The following RABGAP1L variants were observed in gnomAD, a reference collection of about 807,000 sequenced individuals.
RABGAP1L encodes rab GTPase-activating protein 1-like.
A neutral mutation model predicts 137.7 loss-of-function variants in RABGAP1L; 63 were observed. The ratio of observed to expected loss-of-function variants is 0.46; its 90% CI spans 0.37 to 0.56. The LOEUF is 0.56. Ranked by LOEUF, RABGAP1L falls within the 20% of genes least tolerant of loss-of-function variation. The pLI is 0.00. For missense variants in RABGAP1L, 1,095 were observed against 1,244.0 expected (o/e 0.88, Z 1.80); for synonymous variants, 431 against 433.7 (o/e 0.99, Z 0.08).
At chr1:174,357,861 G>A (rs1683773553) in intron 11 of RABGAP1L, among the ~76,000 whole-genome samples, 1 of 152,210 alleles carries the variant, frequency 6.6e-6, no homozygotes, top group African/African-American at 2.4e-5. Flanking sequence ...AATGGCTTAT[G>A]ATAGCTAACA....
At chr1:174,615,342 C>T (rs964118865) in intron 13 of RABGAP1L, among the ~76,000 whole-genome samples, 10 of 152,218 alleles carry the variant, frequency 6.6e-5, no homozygotes, top group Non-Finnish European at 4.4e-5. Flanking sequence ...GATGTCCACT[C>T]CAGACCCTAT....
chr1:174,375,613 A>G (rs1036435675), intron 12 of RABGAP1L, among the ~76,000 whole-genome samples: 3 of 152,186 alleles, frequency 2.0e-5, no homozygotes. Context: ...GCTTAGGTGA[A>G]ATCGACAAAC....
At chr1:174,434,074 T>C (rs1342773824) in intron 13 of RABGAP1L, among the ~76,000 whole-genome samples, 1 of 149,954 alleles carries the variant, frequency 6.7e-6, no homozygotes, top group Non-Finnish European at 1.5e-5. Context: ...TCTTGACTGG[T>C]ACATGTGTGC....
At chr1:174,467,304 T>C (rs74126810) in intron 13 of RABGAP1L, among the ~76,000 whole-genome samples, 1,867 of 152,224 alleles carry the variant, frequency 0.012, 48 homozygotes, top group African/African-American at 0.043. Context: ...TCTGTAGTCA[T>C]TTATCATCTT....
chr1:174,481,726 T>C (rs1052100415), intron 13 of RABGAP1L, among the ~76,000 whole-genome samples: 1 of 152,130 alleles, frequency 6.6e-6, no homozygotes, highest in African/African-American at 2.4e-5. Flanking sequence ...TTTTTCTTAA[T>C]ATACTGTGGT....
At chr1:174,589,630 T>C (rs1034960823) in intron 13 of RABGAP1L, among the ~76,000 whole-genome samples, 1 of 152,186 alleles carries the variant, frequency 6.6e-6, no homozygotes, top group South Asian at 2.1e-4. Flanking sequence ...TTACTTGATT[T>C]TTATATATGT....
chr1:174,661,616 A>G (rs1210930301), intron 14 of RABGAP1L, among the ~76,000 whole-genome samples: 1 of 152,222 alleles, frequency 6.6e-6, no homozygotes, highest in Non-Finnish European at 1.5e-5. Flanking sequence ...TTAATTAAAA[A>G]TATTTTGTTA....
At chr1:174,908,215 T>A (rs1272805590) in intron 19 of RABGAP1L, among the ~76,000 whole-genome samples, 1 of 152,186 alleles carries the variant, frequency 6.6e-6, no homozygotes, top group Admixed American at 6.6e-5. Context: ...TAGGGGATTT[T>A]AAGCCCCACT....
chr1:174,959,098 T>C (rs902923801), intron 20 of RABGAP1L, among the ~76,000 whole-genome samples: 3 of 152,236 alleles, frequency 2.0e-5, no homozygotes, highest in African/African-American at 7.2e-5. Context: ...TCCCCTTGCT[T>C]ATAGAAGTGG....
intron 13 of RABGAP1L, among the ~76,000 whole-genome samples, chr1:174,468,703 A>G (rs1571942927): frequency 6.6e-6 from 1 of 151,256 alleles, no homozygotes; most frequent in East Asian, 2.0e-4. Flanking sequence ...CACTACATCT[A>G]TATCTACCTC....
At chr1:174,622,612 C>A (rs911277106) in intron 13 of RABGAP1L, among the ~76,000 whole-genome samples, 3 of 152,090 alleles carry the variant, frequency 2.0e-5, no homozygotes, top group Non-Finnish European at 2.9e-5. Flanking sequence ...GGACAGAAAA[C>A]CAAACACCGC....
chr1:174,722,801 A>G (rs747975373), intron 17 of RABGAP1L, among the ~76,000 whole-genome samples: 26 of 152,128 alleles, frequency 1.7e-4, no homozygotes, highest in African/African-American at 3.1e-4. Context: ...AGAATCTTCT[A>G]TGCCTTAGCC....
chr1:174,392,592 T>TG (rs1470731776), intron 12 of RABGAP1L, among the ~76,000 whole-genome samples: 1 of 152,206 alleles, frequency 6.6e-6, no homozygotes, highest in African/African-American at 2.4e-5. Flanking sequence ...AAATTATTAA[T>TG]GGGATGAGTT....
At chr1:174,661,574 C>T (rs1429608012) in intron 14 of RABGAP1L, among the ~76,000 whole-genome samples, 1 of 152,064 alleles carries the variant, frequency 6.6e-6, no homozygotes, top group Non-Finnish European at 1.5e-5. Context: ...ACTAATAATT[C>T]ATTATTATAA....
At chr1:174,971,660 T>C (rs937929470) in intron 21 of RABGAP1L, among the ~76,000 whole-genome samples, 8 of 152,262 alleles carry the variant, frequency 5.3e-5, no homozygotes, top group Non-Finnish European at 1.2e-4. Context: ...TTCCTCCTCA[T>C]TGGGGTTTAT....
intron 17 of RABGAP1L, among the ~76,000 whole-genome samples, chr1:174,703,114 TA>T (rs869266046): frequency 1.6e-4 from 25 of 152,252 alleles, no homozygotes; most frequent in Admixed American, 2.0e-4. Flanking sequence ...AAACATCCTT[TA>T]AAAAAAATTT....
intron 13 of RABGAP1L, among the ~76,000 whole-genome samples, chr1:174,439,941 A>G (rs573478796): frequency 2.0e-5 from 3 of 152,350 alleles, no homozygotes; most frequent in East Asian, 3.9e-4. Flanking sequence ...ATAAACTATA[A>G]TATGTGTAGA....
chr1:174,366,673 G>A (rs1201065462), intron 11 of RABGAP1L, among the ~76,000 whole-genome samples: 1 of 151,410 alleles, frequency 6.6e-6, no homozygotes, highest in African/African-American at 2.4e-5. Flanking sequence ...TACTTCGGAG[G>A]CTGAGACAGG....
At chr1:174,982,763 A>G in intron 23 of RABGAP1L, 71 bp from the exon 24 acceptor site, 2 of 1,392,408 alleles carry the variant, frequency 1.4e-6, no homozygotes, top group Admixed American at 4.0e-5. Context: ...ACATGAATTG[A>G]TAAGTAGTTA....
Sources: gnomAD v4.1 joint callset for allele counts (sites outside exome capture counted in the v4.1 genomes callset) on GRCh38, gnomAD v4.1.1 for gene constraint, MANE v1.5 for transcripts, NCBI Gene and HGNC (gene_info 2026-07-23, HGNC 2026-07-21) for gene names.